The following SAMMSON variants were observed in gnomAD, a reference collection of about 807,000 sequenced individuals.
SAMMSON encodes the protein survival associated mitochondrial melanoma specific oncogenic non-coding RNA.
At chr3:70,190,957 G>C (rs1170071446) in intron 4 of SAMMSON, among the ~76,000 whole-genome samples, 1 of 152,204 alleles carries the variant, frequency 6.6e-6, no homozygotes, top group Non-Finnish European at 1.5e-5. Flanking sequence ...CCTGATTTCA[G>C]GGACTGGCCC....
intron 4 of SAMMSON, among the ~76,000 whole-genome samples, chr3:70,216,626 A>G (rs1701414708): frequency 6.6e-6 from 1 of 152,106 alleles, no homozygotes; most frequent in Non-Finnish European, 1.5e-5. Flanking sequence ...ATTGAATATA[A>G]TGTATTATAG....
intron 4 of SAMMSON, among the ~76,000 whole-genome samples, chr3:70,138,456 C>CTT (rs34383106): frequency 3.9e-5 from 6 of 151,994 alleles, no homozygotes; most frequent in South Asian, 2.1e-4. Flanking sequence ...TCTCTAGAGG[C>CTT]TTTTTTTGTA....
At chr3:70,373,830 T>C (rs1559575412) in intron 9 of SAMMSON, among the ~76,000 whole-genome samples, 1 of 152,210 alleles carries the variant, frequency 6.6e-6, no homozygotes, top group African/African-American at 2.4e-5. Flanking sequence ...TATCTTTCTC[T>C]GTAGAAAGAT....
chr3:70,194,881 C>T (rs992466888), intron 4 of SAMMSON, among the ~76,000 whole-genome samples: 26 of 151,936 alleles, frequency 1.7e-4, no homozygotes, highest in African/African-American at 5.6e-4. Flanking sequence ...GACTAGACCA[C>T]GGGTAGAGGG....
At chr3:70,081,404 C>T (rs1181069541) in intron 4 of SAMMSON, among the ~76,000 whole-genome samples, 4 of 152,182 alleles carry the variant, frequency 2.6e-5, no homozygotes, top group Non-Finnish European at 5.9e-5. Context: ...TGAGCCACCG[C>T]GCCCGGCCTC....
At chr3:70,359,957 A>G (rs1575633319) in intron 9 of SAMMSON, among the ~76,000 whole-genome samples, 1 of 152,236 alleles carries the variant, frequency 6.6e-6, no homozygotes, top group African/African-American at 2.4e-5. Flanking sequence ...ACACTTGAAG[A>G]GTATCACGGT....
downstream of SAMMSON, among the ~76,000 whole-genome samples, chr3:70,390,573 G>A (rs561110470): frequency 7.6e-4 from 115 of 152,090 alleles, 4 homozygotes; most frequent in East Asian, 6.2e-3. Flanking sequence ...GAGGATGGGG[G>A]AGGATTACCA....
intron 3 of SAMMSON, among the ~76,000 whole-genome samples, chr3:70,016,537 G>T (rs1238301021): frequency 2.0e-5 from 3 of 151,952 alleles, no homozygotes; most frequent in Admixed American, 6.6e-5. Context: ...TCTGTAGGTT[G>T]CCTGTTCACT....
intron 7 of SAMMSON, among the ~76,000 whole-genome samples, chr3:70,340,834 A>G (rs1484870093): frequency 1.3e-5 from 2 of 152,048 alleles, no homozygotes; most frequent in Admixed American, 6.6e-5. Flanking sequence ...TTTCACTGTA[A>G]GAAATCATAG....
chr3:70,122,297 A>T (rs1049104106), intron 4 of SAMMSON, among the ~76,000 whole-genome samples: 4 of 152,162 alleles, frequency 2.6e-5, no homozygotes, highest in African/African-American at 9.6e-5. Flanking sequence ...GGCTCAAGCA[A>T]TCCTCCTACC....
chr3:70,228,616 A>G (rs1701530477), intron 4 of SAMMSON, among the ~76,000 whole-genome samples: 2 of 149,374 alleles, frequency 1.3e-5, no homozygotes, highest in South Asian at 2.1e-4. Flanking sequence ...CTGATGAAAC[A>G]TTTAAGTTTT....
At chr3:70,133,396 T>C (rs1467085575) in intron 4 of SAMMSON, among the ~76,000 whole-genome samples, 9 of 152,134 alleles carry the variant, frequency 5.9e-5, no homozygotes, top group Admixed American at 5.9e-4. Context: ...TCTGCCCCTG[T>C]CCCCCATGTC....
At chr3:70,144,849 G>A (rs13315747) in intron 4 of SAMMSON, among the ~76,000 whole-genome samples, 34,868 of 152,048 alleles carry the variant, frequency 0.23, 4,422 homozygotes, top group East Asian at 0.5. Context: ...TGATTGTGAG[G>A]CCTCCCAGCT....
intron 3 of SAMMSON, among the ~76,000 whole-genome samples, chr3:70,043,278 G>T (rs774568379): frequency 1.3e-5 from 2 of 151,964 alleles, no homozygotes; most frequent in African/African-American, 4.8e-5. Flanking sequence ...TGCATCTCAC[G>T]CATCCGTCTT....
chr3:70,308,803 G>A (rs1447590108), intron 7 of SAMMSON, among the ~76,000 whole-genome samples: 2 of 152,090 alleles, frequency 1.3e-5, no homozygotes, highest in Non-Finnish European at 1.5e-5. Flanking sequence ...TACTCAGAAT[G>A]GTGATGATGG....
At chr3:70,070,701 A>G (rs2067226346) in intron 3 of SAMMSON, among the ~76,000 whole-genome samples, 1 of 151,994 alleles carries the variant, frequency 6.6e-6, no homozygotes, top group South Asian at 2.1e-4. Context: ...TTAAACATTT[A>G]CAGATGGCAG....
At chr3:70,160,180 T>A (rs2106692530) in intron 4 of SAMMSON, among the ~76,000 whole-genome samples, 1 of 146,420 alleles carries the variant, frequency 6.8e-6, no homozygotes, top group African/African-American at 2.5e-5. Context: ...TTTTGTTTTA[T>A]GAATCATGCT....
At chr3:70,101,278 A>G (rs2067345020) in intron 4 of SAMMSON, among the ~76,000 whole-genome samples, 1 of 152,178 alleles carries the variant, frequency 6.6e-6, no homozygotes, top group Admixed American at 6.5e-5. Context: ...AACCATACAT[A>G]TTATAATAAC....
chr3:70,138,915 A>G (rs1336099467), intron 4 of SAMMSON, among the ~76,000 whole-genome samples: 1 of 152,172 alleles, frequency 6.6e-6, no homozygotes, highest in Non-Finnish European at 1.5e-5. Context: ...AGAGTCTCAC[A>G]CTGTCACCCA....
Sources: gnomAD v4.1 joint callset for allele counts (sites outside exome capture counted in the v4.1 genomes callset) on GRCh38, gnomAD v4.1.1 for gene constraint, MANE v1.5 for transcripts, NCBI Gene and HGNC (gene_info 2026-07-23, HGNC 2026-07-21) for gene names.